The following ZDHHC15 variants were observed in gnomAD, a reference collection of about 807,000 sequenced individuals.
ZDHHC15 encodes palmitoyltransferase ZDHHC15.
A neutral mutation model predicts 31.7 loss-of-function variants in ZDHHC15; 19 were observed. That is an observed-to-expected ratio of 0.60 (90% CI 0.42 to 0.88). ZDHHC15 has a LOEUF of 0.88. ZDHHC15 is among the 40% of genes least tolerant of loss of function. The pLI is 0.00. For missense variants in ZDHHC15, 209 were observed against 251.2 expected, an observed-to-expected ratio of 0.83 and a Z score of 1.14; for synonymous variants, 103 against 90.0, an observed-to-expected ratio of 1.14 and a Z score of -0.82.
intron 10 of ZDHHC15, among the ~76,000 whole-genome samples, chrX:75,401,600 C>T (rs772205596): frequency 2.7e-5 from 3 of 112,073 alleles, no homozygotes; most frequent in South Asian, 3.7e-4. Flanking sequence ...ATCCTAATTT[C>T]TGACAACAGA....
intron 2 of ZDHHC15, among the ~76,000 whole-genome samples, chrX:75,488,921 G>T (rs1480583794): frequency 8.9e-6 from 1 of 112,206 alleles, no homozygotes; most frequent in Non-Finnish European, 1.9e-5. Context: ...TTTTCCAATG[G>T]TCTTAGCAAA....
chrX:75,415,356 T>C (rs181383116), intron 10 of ZDHHC15, among the ~76,000 whole-genome samples: 20 of 110,585 alleles, frequency 1.8e-4, no homozygotes, highest in Admixed American at 2.9e-4. Flanking sequence ...GATTGTGGAG[T>C]CTCCTTCAAT....
intron 3 of ZDHHC15, among the ~76,000 whole-genome samples, chrX:75,468,850 T>G (rs1434965076): frequency 8.9e-6 from 1 of 112,308 alleles, no homozygotes; most frequent in Admixed American, 9.5e-5. Flanking sequence ...TTTGGCTATT[T>G]GTATATATTC....
chrX:75,387,139 G>A (rs2147770080), intron 10 of ZDHHC15, among the ~76,000 whole-genome samples: 1 of 111,321 alleles, frequency 9.0e-6, no homozygotes, highest in East Asian at 2.8e-4. Flanking sequence ...ACCTAGTGAG[G>A]AAAAAAACTG....
chrX:75,464,945 T>C (rs1602672530), intron 3 of ZDHHC15, among the ~76,000 whole-genome samples: 2 of 111,956 alleles, frequency 1.8e-5, no homozygotes, highest in Admixed American at 1.9e-4. Flanking sequence ...TTATTGGAAG[T>C]TCTGGCCAGG....
At chrX:75,514,052 A>T (rs189404559) in intron 1 of ZDHHC15, among the ~76,000 whole-genome samples, 21 of 112,979 alleles carry the variant, frequency 1.9e-4, no homozygotes, top group Non-Finnish European at 3.4e-4. Context: ...CGAAAACAAG[A>T]CATTCTCAGA....
chrX:75,453,218 A>T (rs2084154490), intron 3 of ZDHHC15, among the ~76,000 whole-genome samples: 2 of 111,859 alleles, frequency 1.8e-5, no homozygotes, highest in African/African-American at 3.2e-5. Context: ...ATCACCACCG[A>T]TCCCACAGAA....
chrX:75,427,260 A>G (rs1311974569), intron 7 of ZDHHC15, among the ~76,000 whole-genome samples: 1 of 102,070 alleles, frequency 9.8e-6, no homozygotes, highest in Non-Finnish European at 2.0e-5. Context: ...CTTGCCTCTC[A>G]TCTGTGAGGC....
intron 8 of ZDHHC15, among the ~76,000 whole-genome samples, chrX:75,422,872 G>A (rs1351107462): frequency 9.2e-6 from 1 of 108,109 alleles, no homozygotes; most frequent in African/African-American, 3.4e-5. Context: ...AGTTACATAT[G>A]TATACATGTG....
chrX:75,488,175 T>C (rs2084808815), intron 2 of ZDHHC15, among the ~76,000 whole-genome samples: 1 of 111,533 alleles, frequency 9.0e-6, no homozygotes. Context: ...CAAGAACACA[T>C]GGGAAATTCA....
intron 10 of ZDHHC15, among the ~76,000 whole-genome samples, chrX:75,390,465 C>A (rs906592996): frequency 2.2e-4 from 25 of 111,659 alleles, no homozygotes; most frequent in African/African-American, 8.1e-4. Context: ...CACAGGGGCA[C>A]TTGTGTTACC....
intron 2 of ZDHHC15, among the ~76,000 whole-genome samples, chrX:75,484,972 C>G (rs2084753762): frequency 9.0e-6 from 1 of 111,584 alleles, no homozygotes; most frequent in African/African-American, 3.3e-5. Flanking sequence ...CAAAAGGCTC[C>G]ATACTGTATG....
At chrX:75,479,252 G>A (rs932245950) in intron 2 of ZDHHC15, among the ~76,000 whole-genome samples, 3 of 111,802 alleles carry the variant, frequency 2.7e-5, no homozygotes, top group Non-Finnish European at 5.6e-5. Context: ...GACAATGTAG[G>A]GAAAACTACT....
At chrX:75,516,442 A>G (rs895517610) in intron 1 of ZDHHC15, among the ~76,000 whole-genome samples, 2 of 112,345 alleles carry the variant, frequency 1.8e-5, no homozygotes, top group Non-Finnish European at 3.8e-5. Flanking sequence ...CATATCTATA[A>G]CCATCTGCTC....
intron 2 of ZDHHC15, among the ~76,000 whole-genome samples, chrX:75,489,429 T>A (rs1042198954): frequency 3.6e-5 from 4 of 111,608 alleles, no homozygotes; most frequent in Non-Finnish European, 7.5e-5. Flanking sequence ...CATTTGCTGC[T>A]CACCAATATC....
chrX:75,522,090 A>T (rs992159238), intron 1 of ZDHHC15, among the ~76,000 whole-genome samples: 1 of 110,983 alleles, frequency 9.0e-6, no homozygotes, highest in African/African-American at 3.3e-5. Flanking sequence ...TGCTCCTCAA[A>T]GCAAGAAGGC....
At chrX:75,505,432 G>A (rs753116313) in intron 2 of ZDHHC15, among the ~76,000 whole-genome samples, 4 of 110,958 alleles carry the variant, frequency 3.6e-5, no homozygotes, top group Non-Finnish European at 7.6e-5. Flanking sequence ...AACTGTGATG[G>A]TGAAGGAGTT....
At chrX:75,423,958 A>G (rs1009104313) in intron 8 of ZDHHC15, among the ~76,000 whole-genome samples, 2 of 111,486 alleles carry the variant, frequency 1.8e-5, no homozygotes, top group African/African-American at 6.5e-5. Flanking sequence ...ACTGATTTGT[A>G]CACAATGTAA....
chrX:75,488,870 G>A (rs770319452), intron 2 of ZDHHC15, among the ~76,000 whole-genome samples: 5 of 112,090 alleles, frequency 4.5e-5, no homozygotes, highest in South Asian at 3.7e-4. Flanking sequence ...GACTGATGAC[G>A]GCACCTGGAA....
Sources: gnomAD v4.1 joint callset for allele counts (sites outside exome capture counted in the v4.1 genomes callset) on GRCh38, gnomAD v4.1.1 for gene constraint, MANE v1.5 for transcripts, NCBI Gene and HGNC (gene_info 2026-07-23, HGNC 2026-07-21) for gene names.